The following CCSER1 variants were observed in gnomAD, a reference collection of about 807,000 sequenced individuals.
CCSER1 encodes the protein coiled-coil serine rich protein 1, also known as serine-rich coiled-coil domain-containing protein 1.
In CCSER1, 41 loss-of-function variants were observed where a neutral mutation model predicts 82.0. The observed-to-expected ratio is 0.50, with a 90% confidence interval of 0.39 to 0.65. The LOEUF (loss-of-function observed/expected upper bound fraction) is 0.65. Ranked by LOEUF, CCSER1 falls within the 30% of genes least tolerant of loss-of-function variation. The pLI is 0.00. For missense variants in CCSER1, 1,119 were observed against 1,064.2 expected, an observed-to-expected ratio of 1.05 and a Z score of -0.72; for synonymous variants, 414 against 383.9, an observed-to-expected ratio of 1.08 and a Z score of -0.92.
At chr4:90,225,697 C>T (rs1475493892) in intron 1 of CCSER1, among the ~76,000 whole-genome samples, 2 of 152,174 alleles carry the variant, frequency 1.3e-5, no homozygotes, top group Admixed American at 6.5e-5. Context: ...ATAGATCCTA[C>T]TTGCTCTGTC....
chr4:91,115,036 A>T (rs551223517), intron 10 of CCSER1, among the ~76,000 whole-genome samples: 2 of 152,312 alleles, frequency 1.3e-5, no homozygotes, highest in African/African-American at 4.8e-5. Flanking sequence ...AAAGAATAAT[A>T]TATTTCCAGT....
rs537768275 is a variant in CCSER1 at position 90,507,328 on chromosome 4, G to A, written c.1724+38974G>A. ...AATGCAAAAAAAAAAACAATAAGAG[G>A]CTTGTAAGAGAGAAAGGAGAAAATA... On this transcript the variant is annotated intron_variant, in intron 5 of 10. Transcript: ENST00000509176. Among the ~76,000 whole-genome samples, 15 of 151,424 alleles carry A rather than the reference G, an allele frequency of 9.9e-5. No individual in the cohort carries two copies. The East Asian group carries it at 2.9e-3, about 29-fold the overall frequency.
rs1758928742 is a variant in CCSER1 at position 90,815,754 on chromosome 4, T to C, written c.2011-8T>C. 3 of 1,548,118 alleles carry C rather than the reference T, an allele frequency of 1.9e-6. No individual in the cohort carries two copies. The highest frequency in any genetic ancestry group is 2.6e-6 in the Non-Finnish European group (3 of 1,144,382). ...GCCTATTATGCTGTCTCTTTGATGT[T>C]TTTATAGGATATAATGAAAGATGAA... On this transcript the variant is annotated splice_region_variant and splice_polypyrimidine_tract_variant and intron_variant, in intron 7 of 10. Coordinates refer to ENST00000509176, the MANE Select transcript of CCSER1 (RefSeq NM_001145065.2).
chr4:91,561,263 T>C (rs1205989761), intron 10 of CCSER1, among the ~76,000 whole-genome samples: 1 of 151,530 alleles, frequency 6.6e-6, no homozygotes, highest in Non-Finnish European at 1.5e-5. Flanking sequence ...ATGTGATTCC[T>C]GACAACTTTT....
intron 9 of CCSER1, among the ~76,000 whole-genome samples, chr4:90,998,557 A>G (rs1414410403): frequency 3.3e-5 from 5 of 152,234 alleles, no homozygotes; most frequent in Middle Eastern, 3.4e-3. Flanking sequence ...TTTTACACCA[A>G]TTTGCAAAGA....
intron 10 of CCSER1, among the ~76,000 whole-genome samples, chr4:91,263,899 T>TA (rs1398583854): frequency 6.6e-6 from 1 of 151,992 alleles, no homozygotes; most frequent in Non-Finnish European, 1.5e-5. Context: ...AACCAATATT[T>TA]AAAAATCTAT....
intron 9 of CCSER1, among the ~76,000 whole-genome samples, chr4:91,061,322 ATG>A (rs1743933885): frequency 1.3e-5 from 2 of 151,980 alleles, no homozygotes; most frequent in Admixed American, 1.3e-4. Flanking sequence ...TAATAAAGCA[ATG>A]TATTAGTTAA....
chr4:91,131,947 C>A (rs1265202669), intron 10 of CCSER1, among the ~76,000 whole-genome samples: 2 of 151,700 alleles, frequency 1.3e-5, no homozygotes, highest in African/African-American at 4.8e-5. Flanking sequence ...AGCTTATACA[C>A]CTTAACTTCA....
chr4:91,522,013 G>A (rs1012908840), intron 10 of CCSER1, among the ~76,000 whole-genome samples: 1 of 152,112 alleles, frequency 6.6e-6, no homozygotes, highest in Non-Finnish European at 1.5e-5. Flanking sequence ...TATGGTTTTA[G>A]GTCTAACATT....
At chr4:91,005,273 A>G (rs954130250) in intron 9 of CCSER1, among the ~76,000 whole-genome samples, 1 of 152,158 alleles carries the variant, frequency 6.6e-6, no homozygotes, top group African/African-American at 2.4e-5. Flanking sequence ...ACAATAAAAT[A>G]CTGGTAATGT....
At chr4:91,032,272 A>G (rs1164098953) in intron 9 of CCSER1, among the ~76,000 whole-genome samples, 4 of 152,156 alleles carry the variant, frequency 2.6e-5, no homozygotes, top group African/African-American at 9.6e-5. Context: ...TTTTTGATGA[A>G]TCAGATAATC....
chr4:91,185,559 G>A (rs1401773554), intron 10 of CCSER1, among the ~76,000 whole-genome samples: 1 of 152,194 alleles, frequency 6.6e-6, no homozygotes, highest in Non-Finnish European at 1.5e-5. Context: ...GACATTGTAT[G>A]GGGATGAGGG....
intron 10 of CCSER1, among the ~76,000 whole-genome samples, chr4:91,527,098 G>T (rs1760805656): frequency 6.6e-6 from 1 of 152,200 alleles, no homozygotes; most frequent in Non-Finnish European, 1.5e-5. Flanking sequence ...ATGTGTTAAT[G>T]CATGAGCTAA....
At chr4:90,876,103 A>G (rs1767169873) in intron 8 of CCSER1, among the ~76,000 whole-genome samples, 1 of 152,100 alleles carries the variant, frequency 6.6e-6, no homozygotes, top group Admixed American at 6.6e-5. Flanking sequence ...AATTATGAGA[A>G]GAAAGATAAA....
intron 7 of CCSER1, among the ~76,000 whole-genome samples, chr4:90,727,755 C>T (rs1743929076): frequency 6.6e-6 from 1 of 152,172 alleles, no homozygotes; most frequent in South Asian, 2.1e-4. Context: ...TACAATTTAT[C>T]ATGAGCCATG....
chr4:90,271,169 C>G (rs984201874), intron 1 of CCSER1, among the ~76,000 whole-genome samples: 2 of 152,082 alleles, frequency 1.3e-5, no homozygotes, highest in Non-Finnish European at 2.9e-5. Context: ...ACAAAAGGCT[C>G]TGAATAGGCA....
chr4:90,806,641 C>T (rs914477713), intron 7 of CCSER1, among the ~76,000 whole-genome samples: 2 of 152,146 alleles, frequency 1.3e-5, no homozygotes, highest in Non-Finnish European at 2.9e-5. Context: ...GAAGTTCAAG[C>T]TCATCACTGG....
At chr4:90,621,418 A>AT (rs915837106) in intron 5 of CCSER1, among the ~76,000 whole-genome samples, 19 of 149,540 alleles carry the variant, frequency 1.3e-4, no homozygotes, top group South Asian at 6.3e-4. Context: ...TGCACATAAT[A>AT]TTTTTTTCCT....
At chr4:90,161,506 T>G (rs1729432572) in intron 1 of CCSER1, among the ~76,000 whole-genome samples, 1 of 152,144 alleles carries the variant, frequency 6.6e-6, no homozygotes, top group Non-Finnish European at 1.5e-5. Flanking sequence ...ACTTTAAAAC[T>G]ATTAACCATT....
Sources: allele counts gnomAD v4.1 joint callset (sites outside exome capture counted in the v4.1 genomes callset), GRCh38; gene constraint gnomAD v4.1.1; transcripts MANE v1.5; gene names NCBI Gene and HGNC (gene_info 2026-07-23, HGNC 2026-07-21).